DLGAP2: variants seen among roughly 807,000 people sequenced by gnomAD.
DLGAP2 encodes the protein DLG associated protein 2.
DLGAP2 carries 26 observed loss-of-function variants against 100.3 expected under a neutral mutation model. That is an observed-to-expected ratio of 0.26 (90% confidence interval 0.19 to 0.36). DLGAP2 has a LOEUF of 0.36. Among genes scored for constraint, DLGAP2 ranks in the 10% least tolerant of loss-of-function variants. The pLI is 1.00. For synonymous variants in DLGAP2, 886 were observed against 630.1 expected, an observed-to-expected ratio of 1.41 and a Z score of -6.08; for missense variants, 1,858 against 1,453.2, an observed-to-expected ratio of 1.28 and a Z score of -4.53.
chr8:800,710 G>C (rs970109850), intron 1 of DLGAP2, among the ~76,000 whole-genome samples: 1 of 152,152 alleles, frequency 6.6e-6, no homozygotes, highest in Non-Finnish European at 1.5e-5. Context: ...GTGTGTGTCT[G>C]TGTGTCCATG....
In DLGAP2 at chr8:1,662,752, G is replaced by A. The variant is rs74304043; in HGVS notation, c.1811-5577G>A. Among the ~76,000 whole-genome samples, 530 of 152,374 alleles carry A rather than the reference G, an allele frequency of 3.5e-3. 1 individual carries two copies. The highest frequency in any genetic ancestry group is 0.011 in the African/African-American group (466 of 41,590). ...CAAAGTATAACGTGCTCCACAGAGT[G>A]CCTGGCACATGTGTGAGTGTGGGGT... is the stretch of plus-strand genomic sequence containing the variant. On this transcript the variant is annotated intron_variant, in intron 8 of 14. Transcript: ENST00000637795.
chr8:808,146 C>A, intron 1 of DLGAP2, among the ~76,000 whole-genome samples: 1 of 152,150 alleles, frequency 6.6e-6, no homozygotes, highest in East Asian at 1.9e-4. Context: ...GCACGTGGGT[C>A]TTCGGCTTTC....
intron 2 of DLGAP2, among the ~76,000 whole-genome samples, chr8:955,895 A>G (rs905906544): frequency 1.1e-4 from 17 of 152,240 alleles, no homozygotes; most frequent in East Asian, 7.7e-4. Flanking sequence ...CTTGAGTGGC[A>G]TGTGTTGCTC....
At chr8:1,186,284 G>A (rs1326563924) in intron 2 of DLGAP2, among the ~76,000 whole-genome samples, 1 of 152,224 alleles carries the variant, frequency 6.6e-6, no homozygotes, top group African/African-American at 2.4e-5. Context: ...GCGAACCTTG[G>A]GGGCAGATCC....
chr8:820,079 A>G (rs1289597980), intron 1 of DLGAP2, among the ~76,000 whole-genome samples: 1 of 152,258 alleles, frequency 6.6e-6, no homozygotes, highest in Non-Finnish European at 1.5e-5. Flanking sequence ...TCTGTAGAAC[A>G]AACTGTTTTA....
chr8:1,232,394 A>G (rs1030680351), intron 2 of DLGAP2, among the ~76,000 whole-genome samples: 1 of 152,146 alleles, frequency 6.6e-6, no homozygotes, highest in Non-Finnish European at 1.5e-5. Context: ...TCATCATTCC[A>G]GGTCTCTGCC....
At chr8:761,685 T>A (rs1821087825) in intron 1 of DLGAP2, among the ~76,000 whole-genome samples, 1 of 152,186 alleles carries the variant, frequency 6.6e-6, no homozygotes, top group Admixed American at 6.5e-5. Flanking sequence ...TTCCCGTGTG[T>A]CAGGCACTCC....
rs534789379 is a variant in DLGAP2, at chr8:743,084, G to C, written c.18+5259G>C. On this transcript the variant is annotated intron_variant, in intron 1 of 14. Transcript: ENST00000637795. ...TGTTTTATTTATTATTTCTGGTCTT[G>C]TTTTACTTTTTTGTATATCTCTTGC... Among the ~76,000 whole-genome samples, 14 of 152,210 alleles carry C rather than the reference G, an allele frequency of 9.2e-5. No homozygotes were observed. The East Asian group carries it at 2.7e-3, about 29-fold the overall frequency.
chr8:1,460,977 G>C (rs907780354), intron 3 of DLGAP2, among the ~76,000 whole-genome samples: 3 of 152,238 alleles, frequency 2.0e-5, no homozygotes, highest in African/African-American at 7.2e-5. Flanking sequence ...GGAAAGCCTG[G>C]CCTGGGTTTC....
chr8:945,311 G>T (rs953810558), intron 2 of DLGAP2, among the ~76,000 whole-genome samples: 6 of 152,052 alleles, frequency 3.9e-5, no homozygotes, highest in Non-Finnish European at 7.4e-5. Flanking sequence ...ATCTCTCCTT[G>T]GCCTGTCACC....
intron 2 of DLGAP2, among the ~76,000 whole-genome samples, chr8:1,150,455 T>C (rs1796677512): frequency 6.6e-6 from 1 of 152,244 alleles, no homozygotes; most frequent in Non-Finnish European, 1.5e-5. Flanking sequence ...CCATGTGTTC[T>C]GTGTAGAGCT....
chr8:1,428,272 A>C (rs1445610876), intron 3 of DLGAP2, among the ~76,000 whole-genome samples: 1 of 152,166 alleles, frequency 6.6e-6, no homozygotes, highest in African/African-American at 2.4e-5. Flanking sequence ...CACAATGAGC[A>C]ATTTTATGAT....
intron 9 of DLGAP2, 142 bp from the exon 10 acceptor site, chr8:1,669,601 G>A (rs1798637505): frequency 1.5e-6 from 1 of 684,708 alleles, no homozygotes; most frequent in Non-Finnish European, 2.6e-6. Context: ...GGCCCAGGGA[G>A]GAGGGTGAGT....
chr8:1,212,809 C>A (rs1182606783), intron 2 of DLGAP2, among the ~76,000 whole-genome samples: 1 of 121,982 alleles, frequency 8.2e-6, no homozygotes, highest in Admixed American at 1.1e-4. Flanking sequence ...GATTAATGTT[C>A]TTAAATTCAT....
chr8:1,606,347 T>C (rs959117278), intron 6 of DLGAP2, among the ~76,000 whole-genome samples: 1 of 152,178 alleles, frequency 6.6e-6, no homozygotes. Context: ...CGAACATCAG[T>C]GCAATCCATT....
intron 5 of DLGAP2, among the ~76,000 whole-genome samples, chr8:1,559,940 G>T (rs557483490): frequency 3.9e-5 from 6 of 152,112 alleles, no homozygotes; most frequent in Non-Finnish European, 7.4e-5. Context: ...GGCCCCTCCC[G>T]TCAGCCGACA....
intron 2 of DLGAP2, among the ~76,000 whole-genome samples, chr8:1,039,922 C>G (rs1474035038): frequency 6.7e-6 from 1 of 149,344 alleles, no homozygotes; most frequent in South Asian, 2.1e-4. Context: ...GCGTGGTCAG[C>G]TCGGTGTGCA....
rs371868002 is a variant in DLGAP2 at position 1,633,791 on chromosome 8, A to G, written c.1810+745A>G. ...AGTGTTGGGGACTGAGGTGTTCTGAATACCAGAGGGCTTGGAATGCTGCAG... is the reference window on the plus strand; with the variant it reads ...AGTGTTGGGGACTGAGGTGTTCTGAGTACCAGAGGGCTTGGAATGCTGCAG... On this transcript the variant is annotated intron_variant, in intron 8 of 14. Transcript: ENST00000637795. Among the ~76,000 whole-genome samples the G allele has an allele frequency of 3.3e-4, 51 of 152,338 alleles. 1 individual carries two copies. The South Asian group carries it at 0.011, about 32-fold the overall frequency.
At position 1,237,026 on chromosome 8, in the gene DLGAP2, G is replaced by C. The variant is rs1406480205; in HGVS notation, c.74-21825G>C. On this transcript the variant is annotated intron_variant, in intron 2 of 14. Transcript: ENST00000637795. The stretch of plus-strand genomic sequence containing the variant: ...GTCATGTCTAGTTCTGTCTCACACA[G>C]AGCATCGTGTCTAGTTCTCTCACAT... 4.2e-5 allele frequency among the ~76,000 whole-genome samples: 6 copies of C among 144,448 alleles called. No homozygotes were observed. The Admixed American group carries it at 4.3e-4, about 10-fold the overall frequency. 94.8% of individuals were successfully genotyped at this position (144,448 alleles called of 152,430 possible). A position where few individuals can be genotyped will look rare whatever the true frequency, so the allele number is the denominator to read the frequency against.
Sources: gnomAD v4.1 joint callset for allele counts (sites outside exome capture counted in the v4.1 genomes callset) on GRCh38, gnomAD v4.1.1 for gene constraint, MANE v1.5 for transcripts, NCBI Gene and HGNC (gene_info 2026-07-23, HGNC 2026-07-21) for gene names.